PLPP5: variants seen among roughly 807,000 people sequenced by gnomAD.
PLPP5 encodes the protein phospholipid phosphatase 5.
PLPP5 carries 29 observed loss-of-function variants against 23.6 expected under a neutral mutation model. The observed-to-expected ratio is 1.23, with a 90% CI of 0.92 to 1.68. PLPP5 has a LOEUF of 1.68. PLPP5 is among the 40% of genes most tolerant of loss of function. The probability of loss-of-function intolerance (pLI) is 0.00; values close to 1 mark genes in which losing one functional copy is unlikely to be tolerated. For synonymous variants in PLPP5, 143 were observed against 131.3 expected, an observed-to-expected ratio of 1.09 and a Z score of -0.61; for missense variants, 315 against 332.1, an observed-to-expected ratio of 0.95 and a Z score of 0.40.
chr8:38,264,567 G>T lies in PLPP5; in HGVS notation c.672C>A (p.Ala224=). 1 of 1,590,216 alleles carries T rather than the reference G, an allele frequency of 6.3e-7. No individual in the cohort carries two copies. Among genetic ancestry groups the T allele is most frequent in the Non-Finnish European group, 8.6e-7 (1 of 1,167,644 alleles). The change falls in exon 7 of 7, where the codon GCC becomes GCA. Residue 224 remains alanine, a synonymous_variant. Coordinates refer to ENST00000424479, the MANE Select transcript of PLPP5 (RefSeq NM_001102559.2). ...GATAATACTGCCGATAGCAGACATA[G>T]GCAAATGTCATTCCAATCATGGATC... ...LVGSMIGMTF[A]YVCYRQYYPP...
At chr8:38,265,281 A>T (rs1807418599) in intron 6 of PLPP5, among the ~76,000 whole-genome samples, 1 of 151,678 alleles carries the variant, frequency 6.6e-6, no homozygotes, top group Non-Finnish European at 1.5e-5. Flanking sequence ...AAAAAAAAAA[A>T]AAAGAGTTGC....
In PLPP5 at chr8:38,264,608, A is replaced by T; in HGVS notation, c.635-4T>A. ...ATCATGGATCCAACTAGTACATCTG[A>T]AGAGAGTGGAAACAAGGTCTTCTCT... On this transcript the variant is annotated splice_region_variant and splice_polypyrimidine_tract_variant and intron_variant, in intron 6 of 6. Transcript: ENST00000424479. 1.1e-5 allele frequency: 18 copies of T among 1,587,186 alleles called. No individual in the cohort carries two copies. The highest frequency in any genetic ancestry group is 1.5e-5 in the Non-Finnish European group (18 of 1,166,758).
chr8:38,265,003 T>G, intron 6 of PLPP5: 1 of 1,250,548 alleles, frequency 8.0e-7, no homozygotes, highest in African/African-American at 1.5e-5. Flanking sequence ...GCACGGTGAC[T>G]CACGCCTGTA....
chr8:38,268,250 T>TA (rs764643672), intron 3 of PLPP5, 121 bp downstream of exon 3: 10 of 1,088,692 alleles, frequency 9.2e-6, no homozygotes, highest in Non-Finnish European at 1.3e-5. Context: ...CCCGCGGGGA[T>TA]AGAGTTCCTT....
At chr8:38,268,592 C>T (rs897440901) in intron 2 of PLPP5, 131 bp from the exon 3 acceptor site, 26 of 1,451,528 alleles carry the variant, frequency 1.8e-5, no homozygotes, top group Non-Finnish European at 2.3e-5. Context: ...CGTAACCGGG[C>T]GCCAGGCAGC....
In PLPP5 at chr8:38,263,720, C is replaced by T. The variant is rs1239717808; in HGVS notation, c.*724G>A. 1 of 984,972 alleles carries T rather than the reference C, an allele frequency of 1.0e-6. No individual in the cohort carries two copies. Among genetic ancestry groups the T allele is most frequent in the Non-Finnish European group, 1.2e-6 (1 of 829,732 alleles). 61.0% of individuals were successfully genotyped at this position (984,972 alleles called of 1,614,324 possible). A position where few individuals can be genotyped will look rare whatever the true frequency, so the allele number is the denominator to read the frequency against. On this transcript the variant is annotated 3_prime_UTR_variant, in exon 7 of 7. Coordinates refer to ENST00000424479, the MANE Select transcript of PLPP5 (RefSeq NM_001102559.2). Reference sequence around the variant, plus strand: ...AATCAAAGTAATTTAGTTGGCCATGCCCTAGATTTTAAGATTTTGAGCTAT... The same window carrying T: ...AATCAAAGTAATTTAGTTGGCCATGTCCTAGATTTTAAGATTTTGAGCTAT...
chr8:38,265,995 A>G, intron 6 of PLPP5, 146 bp downstream of exon 6: 2 of 533,488 alleles, frequency 3.7e-6, no homozygotes, highest in Non-Finnish European at 6.1e-6. Flanking sequence ...CTATAATTTT[A>G]AATGTACTTA....
Position 38,269,149 on chromosome 8 carries a change from C to G in PLPP5, c.51G>C (p.Arg17=). 2.6e-6 allele frequency: 4 copies of G among 1,516,286 alleles called. No homozygotes were observed. Among genetic ancestry groups the G allele is most frequent in the Non-Finnish European group, 2.6e-6 (3 of 1,139,308 alleles). 93.9% of individuals were successfully genotyped at this position (1,516,286 alleles called of 1,614,324 possible). ...AVAFGAEVGV[R]LALFAAFLVT... is the part of the protein sequence containing the mutation. Reference sequence around the variant, plus strand: ...ACAGGAAGGCCGCGAACAGCGCGAGCCGCACGCCCACTTCGGCCCCAAAGG... The same window carrying G: ...ACAGGAAGGCCGCGAACAGCGCGAGGCGCACGCCCACTTCGGCCCCAAAGG... Residue 17 remains arginine (R), a synonymous_variant, in exon 1 of 7, where the codon CGG becomes CGC. Coordinates refer to ENST00000424479, the MANE Select transcript of PLPP5 (RefSeq NM_001102559.2).
intron 5 of PLPP5, 66 bp downstream of exon 5, chr8:38,267,201 A>G: frequency 6.2e-7 from 1 of 1,613,318 alleles, no homozygotes; most frequent in Non-Finnish European, 8.5e-7. Flanking sequence ...CATCCCTACT[A>G]GCTTTCTAGG....
In PLPP5 at chr8:38,263,608, A is replaced by G. The variant is rs1373045520; in HGVS notation, c.*836T>C. The stretch of plus-strand genomic sequence containing the variant: ...AGTACCAGATGGCTGGACTCAGATA[A>G]GATGCACACAAAAGTGATAAATTAC... On this transcript the variant is annotated 3_prime_UTR_variant, in exon 7 of 7. Coordinates refer to ENST00000424479, the MANE Select transcript of PLPP5 (RefSeq NM_001102559.2). 2.6e-5 allele frequency: 26 copies of G among 985,322 alleles called. No homozygotes were observed. The Admixed American group carries it at 1.6e-3, about 61-fold the overall frequency. The allele number at this position is 985,322 out of a possible 1,614,324, so 61.0% of individuals were successfully genotyped here.
At chr8:38,267,532 C>T in intron 4 of PLPP5, 141 bp from the exon 5 acceptor site, 1 of 962,316 alleles carries the variant, frequency 1.0e-6, no homozygotes, top group South Asian at 1.8e-5. Context: ...AGTATAGTCA[C>T]CACACTAAGA....
At chr8:38,264,895 T>G in intron 6 of PLPP5, 2 of 1,612,578 alleles carry the variant, frequency 1.2e-6, no homozygotes, top group South Asian at 2.2e-5. Flanking sequence ...CTCAGAAGAG[T>G]AACAAAGGTC....
Position 38,268,355 on chromosome 8 carries a change from A to G in PLPP5, c.274+16T>C, listed in dbSNP as rs374293997. 770 of 1,556,366 alleles carry G rather than the reference A, an allele frequency of 4.9e-4. No individual in the cohort carries two copies. Among genetic ancestry groups the G allele is most frequent in the Non-Finnish European group, 6.3e-4 (729 of 1,149,588 alleles). The stretch of plus-strand genomic sequence containing the variant: ...TCCCAGCACGAAGAAACCGGCCCGA[A>G]AGGGCTAGCGCTCACCCAGGCAGGC... On this transcript the variant is annotated intron_variant, in intron 3 of 6. Coordinates refer to ENST00000424479, the MANE Select transcript of PLPP5 (RefSeq NM_001102559.2).
chr8:38,269,187 C>T lies in PLPP5; in HGVS notation c.13G>A (p.Ala5Thr). MGKA[A>T]AAVAFGAEVG... ...TCGGCCCCAAAGGCCACCGCCGCCG[C>T]CGCCTTCCCCATCCGGCCGCGAGCT... is the stretch of plus-strand genomic sequence containing the variant. Residue 5 changes from alanine to threonine, a missense_variant, in exon 1 of 7, where the codon GCG becomes ACG. By Grantham distance (58) the Ala-to-Thr change is moderately conservative. Coordinates refer to ENST00000424479, the MANE Select transcript of PLPP5 (RefSeq NM_001102559.2). The T allele has an allele frequency of 6.7e-7, 1 of 1,502,566 alleles. No individual in the cohort carries two copies. Among genetic ancestry groups the T allele is most frequent in the Non-Finnish European group, 8.8e-7 (1 of 1,133,662 alleles). The allele number at this position is 1,502,566 out of a possible 1,614,324, so 93.1% of individuals were successfully genotyped here. A position where few individuals can be genotyped will look rare whatever the true frequency, so the allele number is the denominator to read the frequency against.
In PLPP5 at chr8:38,268,874, C is replaced by T. The variant is rs1211134078; in HGVS notation, c.183+8G>A. On this transcript the variant is annotated splice_region_variant and intron_variant, in intron 2 of 6. Coordinates refer to ENST00000424479, the MANE Select transcript of PLPP5 (RefSeq NM_001102559.2). ...GGGAGGGAGGAAAGACGATCTTTCT[C>T]CACGCACAAACATCGGCTTGGTGGG... 6.5e-7 allele frequency: 1 copy of T among 1,548,154 alleles called. No individual in the cohort carries two copies. Among genetic ancestry groups the T allele is most frequent in the Non-Finnish European group, 8.7e-7 (1 of 1,151,580 alleles).
intron 5 of PLPP5, chr8:38,266,994 A>G (rs1301770162): frequency 9.9e-6 from 13 of 1,318,572 alleles, no homozygotes; most frequent in Admixed American, 3.2e-5. Flanking sequence ...CGTTAAAGGT[A>G]TTTTTATTGC....
chr8:38,265,284 AG>A (rs1409013406), intron 6 of PLPP5, among the ~76,000 whole-genome samples: 7 of 151,066 alleles, frequency 4.6e-5, no homozygotes, highest in Non-Finnish European at 1.0e-4. Context: ...AAAAAAAAAA[AG>A]AGTTGCTTCT....
Position 38,265,747 on chromosome 8 carries a change from C to T in PLPP5, c.634+394G>A, listed in dbSNP as rs28431298. The T allele has an allele frequency of 5.7e-3, 894 of 155,530 alleles. 7 individuals carry two copies. The highest frequency in any genetic ancestry group is 0.019 in the African/African-American group (804 of 41,666). The allele number at this position is 155,530 out of a possible 1,614,324, so 9.6% of individuals were successfully genotyped here. A position where few individuals can be genotyped will look rare whatever the true frequency, so the allele number is the denominator to read the frequency against. On this transcript the variant is annotated intron_variant, in intron 6 of 6. Coordinates refer to ENST00000424479, the MANE Select transcript of PLPP5 (RefSeq NM_001102559.2). ...GGTGTTCTGTAATTTGGATATTTTA[C>T]TTACTATAGCATTCAGCTTAAATTT...
At chr8:38,268,783 G>C in intron 2 of PLPP5, 99 bp downstream of exon 2, 1 of 1,442,898 alleles carries the variant, frequency 6.9e-7, no homozygotes, top group South Asian at 1.5e-5. Context: ...GGAGTGGGCA[G>C]TGGGTCCCTA....
Sources: gnomAD v4.1 joint callset for allele counts (sites outside exome capture counted in the v4.1 genomes callset) on GRCh38, gnomAD v4.1.1 for gene constraint, MANE v1.5 for transcripts, NCBI Gene and HGNC (gene_info 2026-07-23, HGNC 2026-07-21) for gene names.